Variants in CTNNA3 observed in about 807,000 individuals in gnomAD.
CTNNA3 encodes catenin alpha-3.
In CTNNA3, 76 loss-of-function variants were observed where a neutral mutation model predicts 95.7. The observed-to-expected ratio is 0.79, with a 90% CI of 0.66 to 0.96. The LOEUF (loss-of-function observed/expected upper bound fraction) is 0.96. Ranked by LOEUF, CTNNA3 falls within the 40% of genes least tolerant of loss-of-function variation. The pLI is 0.00. For synonymous variants in CTNNA3, 431 were observed against 374.4 expected (o/e 1.15, Z -1.74); for missense variants, 1,191 against 1,089.8 (o/e 1.09, Z -1.31).
chr10:66,640,760 A>G (rs1294850597), intron 9 of CTNNA3, among the ~76,000 whole-genome samples: 3 of 152,160 alleles, frequency 2.0e-5, no homozygotes, highest in African/African-American at 7.2e-5. Context: ...TTAGTAGTCA[A>G]GATTCACTAG....
intron 5 of CTNNA3, among the ~76,000 whole-genome samples, chr10:67,387,680 G>A (rs1344297120): frequency 1.3e-5 from 2 of 152,222 alleles, no homozygotes; most frequent in Admixed American, 1.3e-4. Context: ...TTTGAAGAGA[G>A]CAGTGGTTCT....
chr10:66,149,369 C>A (rs2084069818), intron 13 of CTNNA3, among the ~76,000 whole-genome samples: 4 of 150,672 alleles, frequency 2.7e-5, no homozygotes, highest in Admixed American at 2.7e-4. Context: ...TTATTAATTT[C>A]TTTAAAAATT....
chr10:66,891,839 T>G (rs1294605188), intron 7 of CTNNA3, among the ~76,000 whole-genome samples: 2 of 152,132 alleles, frequency 1.3e-5, no homozygotes, highest in African/African-American at 4.8e-5. Flanking sequence ...CTGTCTGGGC[T>G]AGAAATCTCT....
intron 9 of CTNNA3, among the ~76,000 whole-genome samples, chr10:66,748,755 C>T (rs1010643171): frequency 1.3e-5 from 2 of 152,016 alleles, no homozygotes; most frequent in African/African-American, 4.8e-5. Flanking sequence ...AGTTCCCATA[C>T]ACCCCTGTCC....
In CTNNA3 at chr10:67,238,533, A is replaced by G. The variant is rs1865592898; in HGVS notation, c.580-18663T>C. The stretch of plus-strand genomic sequence containing the variant: ...AGAATCTAAACTACTGTGGGTAATC[A>G]TGGTCATCATACCTTAAGATAACAA... On this transcript the variant is annotated intron_variant, in intron 5 of 17. Coordinates refer to ENST00000433211, the MANE Select transcript of CTNNA3 (RefSeq NM_013266.4). 2.0e-5 allele frequency among the ~76,000 whole-genome samples: 3 copies of G among 152,302 alleles called. No individual in the cohort carries two copies. In the East Asian group the frequency reaches 5.8e-4, roughly 29 times the overall value.
At chr10:66,550,485 G>T (rs1368395222) in intron 10 of CTNNA3, among the ~76,000 whole-genome samples, 1 of 152,062 alleles carries the variant, frequency 6.6e-6, no homozygotes, top group Non-Finnish European at 1.5e-5. Context: ...GGACACAACC[G>T]TGACCATTCA....
intron 13 of CTNNA3, among the ~76,000 whole-genome samples, chr10:66,142,820 C>G (rs377668682): frequency 9.9e-5 from 15 of 152,020 alleles, no homozygotes; most frequent in South Asian, 6.2e-4. Context: ...CAGAAATTTT[C>G]TAGGAAAAGA....
chr10:67,355,276 A>G (rs1842768961), intron 5 of CTNNA3, among the ~76,000 whole-genome samples: 1 of 152,066 alleles, frequency 6.6e-6, no homozygotes, highest in African/African-American at 2.4e-5. Context: ...TAAACAAGAC[A>G]GGCAGATTTC....
intron 7 of CTNNA3, among the ~76,000 whole-genome samples, chr10:66,955,627 A>G (rs1352451001): frequency 2.0e-5 from 3 of 152,180 alleles, no homozygotes; most frequent in Non-Finnish European, 4.4e-5. Context: ...ATATATGGAT[A>G]GACACACGAC....
chr10:67,233,229 C>A (rs1321531491), intron 5 of CTNNA3, among the ~76,000 whole-genome samples: 7 of 152,212 alleles, frequency 4.6e-5, no homozygotes, highest in African/African-American at 1.7e-4. Context: ...CACCACACCA[C>A]ACCTATTCCA....
intron 17 of CTNNA3, among the ~76,000 whole-genome samples, chr10:65,958,779 C>T (rs1033261354): frequency 2.0e-5 from 3 of 152,232 alleles, no homozygotes; most frequent in South Asian, 2.1e-4. Flanking sequence ...GGCAACCAGG[C>T]GTATGAGGTG....
intron 15 of CTNNA3, among the ~76,000 whole-genome samples, chr10:65,990,824 T>TA (rs1252581373): frequency 1.3e-5 from 2 of 152,082 alleles, no homozygotes; most frequent in Non-Finnish European, 1.5e-5. Flanking sequence ...GTCTTAGCCA[T>TA]AAAATCTTCG....
At chr10:67,272,228 T>C (rs1839008992) in intron 5 of CTNNA3, among the ~76,000 whole-genome samples, 2 of 152,160 alleles carry the variant, frequency 1.3e-5, no homozygotes, top group Admixed American at 1.3e-4. Context: ...ACCCAACTTA[T>C]TTCAAGACTG....
At chr10:66,629,983 C>T (rs1324954283) in intron 9 of CTNNA3, among the ~76,000 whole-genome samples, 1 of 152,144 alleles carries the variant, frequency 6.6e-6, no homozygotes, top group East Asian at 1.9e-4. Flanking sequence ...ATTTTTCCTT[C>T]AGAGCATGAT....
chr10:67,205,517 A>G (rs1863857170), intron 6 of CTNNA3, among the ~76,000 whole-genome samples: 1 of 152,088 alleles, frequency 6.6e-6, no homozygotes, highest in Non-Finnish European at 1.5e-5. Flanking sequence ...TTCTATCAAA[A>G]TCTCCCATCC....
intron 7 of CTNNA3, among the ~76,000 whole-genome samples, chr10:66,860,620 C>T (rs1335654664): frequency 1.3e-5 from 2 of 152,146 alleles, no homozygotes; most frequent in African/African-American, 2.4e-5. Context: ...TGTGTATAAG[C>T]GGCCCTCACC....
intron 9 of CTNNA3, among the ~76,000 whole-genome samples, chr10:66,682,647 T>C (rs1847106989): frequency 3.0e-5 from 2 of 65,636 alleles, no homozygotes; most frequent in South Asian, 9.0e-4. Flanking sequence ...TCTTTTTTTT[T>C]TTTATTTCTG....
At chr10:67,370,930 G>A (rs1843415826) in intron 5 of CTNNA3, among the ~76,000 whole-genome samples, 2 of 149,162 alleles carry the variant, frequency 1.3e-5, no homozygotes, top group Admixed American at 6.7e-5. Flanking sequence ...GCAGTGGCGG[G>A]ATCTCGGCTC....
intron 7 of CTNNA3, among the ~76,000 whole-genome samples, chr10:67,145,931 A>G (rs1860822269): frequency 6.6e-6 from 1 of 152,186 alleles, no homozygotes; most frequent in African/African-American, 2.4e-5. Context: ...GGTTAGGAAA[A>G]ATGCCACTTC....
Sources: gnomAD v4.1 joint callset for allele counts (sites outside exome capture counted in the v4.1 genomes callset) on GRCh38, gnomAD v4.1.1 for gene constraint, MANE v1.5 for transcripts, NCBI Gene and HGNC (gene_info 2026-07-23, HGNC 2026-07-21) for gene names.